Variants in IGSF10 observed in about 807,000 individuals in gnomAD.
IGSF10 encodes calvaria mechanical force protein 608.
In IGSF10, 126 loss-of-function variants were observed where a neutral mutation model predicts 128.2. That is an observed-to-expected ratio of 0.98 (90% confidence interval 0.85 to 1.14). The LOEUF is 1.14. IGSF10 is among the 50% of genes most tolerant of loss of function. IGSF10 has a pLI of 0.00. For missense variants in IGSF10, 3,295 were observed against 3,149.8 expected, an observed-to-expected ratio of 1.05 and a Z score of -1.10; for synonymous variants, 1,185 against 1,146.2, an observed-to-expected ratio of 1.03 and a Z score of -0.68.
rs978761756 is a variant in IGSF10, at chr3:151,448,860, A to G, written c.1121T>C (p.Val374Ala). 7 of 1,613,994 alleles carry G rather than the reference A, an allele frequency of 4.3e-6. No homozygotes were observed. Among genetic ancestry groups the G allele is most frequent in the Non-Finnish European group, 5.9e-6 (7 of 1,179,812 alleles). Reference sequence around the variant, plus strand: ...ACTGTACAAAGCCAAAATTTGCCACACTGGCTGAATGTGACCGTAATCTAT... The same window carrying G: ...ACTGTACAAAGCCAAAATTTGCCACGCTGGCTGAATGTGACCGTAATCTAT... ...CNIDYGHIQP[V>A]WQILALYSDS... Residue 374 changes from valine (V) to alanine (A), a missense_variant, in exon 6 of 8, where the codon GTG (valine) becomes GCG (alanine). Coordinates refer to ENST00000282466, the MANE Select transcript of IGSF10 (RefSeq NM_178822.5).
chr3:151,491,550 CCTGGGTGACG>C, the IGSF10 span, among the ~76,000 whole-genome samples: 1 of 152,120 alleles, frequency 6.6e-6, no homozygotes, highest in African/African-American at 2.4e-5. Flanking sequence ...TGCACTCCAA[CCTGGGTGACG>C]GAGTGAGAAA....
At chr3:151,511,049 T>C in the IGSF10 span, among the ~76,000 whole-genome samples, 1 of 152,180 alleles carries the variant, frequency 6.6e-6, no homozygotes, top group African/African-American at 2.4e-5. Flanking sequence ...TTCAGGATAT[T>C]ATCCAGGAGA....
At chr3:151,486,274 C>T in the IGSF10 span, among the ~76,000 whole-genome samples, 6 of 152,140 alleles carry the variant, frequency 3.9e-5, no homozygotes, top group African/African-American at 1.4e-4. Flanking sequence ...AGCTAACTAT[C>T]CTACATATAT....
At chr3:151,531,640 A>C in the IGSF10 span, among the ~76,000 whole-genome samples, 3 of 137,116 alleles carry the variant, frequency 2.2e-5, no homozygotes, top group Admixed American at 7.3e-5. Flanking sequence ...ACCAATGAGA[A>C]CAAAGACACA....
chr3:151,435,586 A>T (rs910730965), downstream of IGSF10: 4 of 151,192 alleles, frequency 2.6e-5, no homozygotes, highest in Non-Finnish European at 4.4e-5. Context: ...TCTAAGACCT[A>T]TGGCATTTTT....
chr3:151,540,940 C>T, the IGSF10 span, among the ~76,000 whole-genome samples: 1 of 152,042 alleles, frequency 6.6e-6, no homozygotes, highest in Non-Finnish European at 1.5e-5. Flanking sequence ...ACTGTTGAAC[C>T]CTGAACAACC....
the IGSF10 span, among the ~76,000 whole-genome samples, chr3:151,516,898 T>A: frequency 6.6e-6 from 1 of 152,192 alleles, no homozygotes; most frequent in East Asian, 1.9e-4. Flanking sequence ...GCAGTACACA[T>A]CCCCTTTGTT....
chr3:151,509,693 G>T, the IGSF10 span, among the ~76,000 whole-genome samples: 9 of 152,242 alleles, frequency 5.9e-5, no homozygotes, highest in African/African-American at 1.9e-4. Context: ...CCTCACCCGG[G>T]AAGTGCAAGG....
the IGSF10 span, among the ~76,000 whole-genome samples, chr3:151,511,140 G>A: frequency 1.3e-5 from 2 of 152,048 alleles, no homozygotes; most frequent in African/African-American, 2.4e-5. Flanking sequence ...CTCGAGAAGA[G>A]CAACTCCAAG....
In IGSF10 at chr3:151,436,535, GCATTT is replaced by G; in HGVS notation, c.*149_*153del. 1 of 583,170 alleles carries G rather than the reference GCATTT, an allele frequency of 1.7e-6. No individual in the cohort carries two copies. The highest frequency in any genetic ancestry group is 3.0e-6 in the Non-Finnish European group (1 of 336,874). 36.1% of individuals were successfully genotyped at this position (583,170 alleles called of 1,614,324 possible). A position where few individuals can be genotyped will look rare whatever the true frequency, so the allele number is the denominator to read the frequency against. ...TAAATCAGTATCATCAGTTCATAAT[GCATTT>G]ATTTACAAGTCCTTTTATTTTGCAT... On this transcript the variant is annotated 3_prime_UTR_variant, in exon 8 of 8. Coordinates refer to ENST00000282466, the MANE Select transcript of IGSF10 (RefSeq NM_178822.5).
the IGSF10 span, among the ~76,000 whole-genome samples, chr3:151,502,735 T>C: frequency 6.6e-6 from 1 of 152,064 alleles, no homozygotes. Context: ...TGGACCAACC[T>C]CTTACTAAAA....
the IGSF10 span, among the ~76,000 whole-genome samples, chr3:151,606,908 C>T: frequency 6.0e-3 from 921 of 152,264 alleles, 5 homozygotes; most frequent in Middle Eastern, 0.014. Context: ...TTGTTAAACA[C>T]GTACTCTTAC....
chr3:151,589,157 C>T, the IGSF10 span, among the ~76,000 whole-genome samples: 9 of 152,186 alleles, frequency 5.9e-5, no homozygotes, highest in South Asian at 1.7e-3. Flanking sequence ...ATGGAAAATG[C>T]AGTGAGCTCT....
the IGSF10 span, among the ~76,000 whole-genome samples, chr3:151,596,421 C>T: frequency 2.4e-4 from 36 of 152,242 alleles, no homozygotes; most frequent in African/African-American, 8.7e-4. Context: ...ACCAAAAATG[C>T]TTTCCATATA....
At chr3:151,607,854 T>G in the IGSF10 span, among the ~76,000 whole-genome samples, 1 of 130,484 alleles carries the variant, frequency 7.7e-6, no homozygotes, top group Non-Finnish European at 1.5e-5. Flanking sequence ...GATCTTGCAG[T>G]GAGCTGAGAT....
At chr3:151,509,470 A>G in the IGSF10 span, among the ~76,000 whole-genome samples, 12 of 152,188 alleles carry the variant, frequency 7.9e-5, no homozygotes, top group African/African-American at 2.9e-4. Flanking sequence ...CTGCGTCCTT[A>G]AAGATTTTAT....
intron 6 of IGSF10, among the ~76,000 whole-genome samples, chr3:151,444,107 C>A (rs1307993737): frequency 1.3e-5 from 2 of 152,032 alleles, no homozygotes; most frequent in Non-Finnish European, 2.9e-5. Context: ...GACCCTGTCT[C>A]TACAAACAAA....
chr3:151,548,084 T>C, the IGSF10 span, among the ~76,000 whole-genome samples: 1 of 152,198 alleles, frequency 6.6e-6, no homozygotes, highest in Non-Finnish European at 1.5e-5. Flanking sequence ...AATTTGCTTA[T>C]ATCCAACACA....
chr3:151,440,463 A>AC (rs1720782943), intron 7 of IGSF10: 1 of 432,252 alleles, frequency 2.3e-6, no homozygotes, highest in East Asian at 7.1e-5. Flanking sequence ...CAATACAAAT[A>AC]CACCTAAAGG....
Sources: gnomAD v4.1 joint callset for allele counts (sites outside exome capture counted in the v4.1 genomes callset) on GRCh38, gnomAD v4.1.1 for gene constraint, MANE v1.5 for transcripts, NCBI Gene and HGNC (gene_info 2026-07-23, HGNC 2026-07-21) for gene names.